The following PIEZO2 variants were observed in gnomAD, a reference collection of about 807,000 sequenced individuals.
The protein encoded by PIEZO2 is piezo type mechanosensitive ion channel component 2.
Under a neutral mutation model 337.3 loss-of-function variants are expected in PIEZO2, and 172 were observed. The observed-to-expected ratio is 0.51, with a 90% confidence interval of 0.45 to 0.58. The LOEUF (loss-of-function observed/expected upper bound fraction) is 0.58, where lower values mean the gene tolerates loss of function less well. Among genes scored for constraint, PIEZO2 ranks in the 20% least tolerant of loss-of-function variants. The pLI, the probability that PIEZO2 is intolerant of heterozygous loss-of-function variation, is 0.00. For synonymous variants in PIEZO2, 1,251 were observed against 1,228.5 expected (o/e 1.02, Z -0.38); for missense variants, 3,028 against 3,391.3 (o/e 0.89, Z 2.66).
At chr18:11,086,514 G>A (rs1239150448) in intron 1 of PIEZO2, among the ~76,000 whole-genome samples, 1 of 143,302 alleles carries the variant, frequency 7.0e-6, no homozygotes, top group African/African-American at 2.7e-5. Context: ...GCGAGACTCC[G>A]TCTCAAAAAA....
rs1197610856 is a variant in PIEZO2, at chr18:11,148,852, G to C, written c.-264C>G. On this transcript the variant is annotated 5_prime_UTR_variant, in exon 1 of 56. Coordinates refer to ENST00000674853, the MANE Select transcript of PIEZO2 (RefSeq NM_001378183.1). The surrounding 1 kb of genome is among the most constrained non-coding windows in gnomAD (Gnocchi z 5.2). Reference sequence around the variant, plus strand: ...GCCCGGCGCCCGGCCCCCTGCGGCCGGCCCATTTAGTGTGAATCCTGGATC... The same window carrying C: ...GCCCGGCGCCCGGCCCCCTGCGGCCCGCCCATTTAGTGTGAATCCTGGATC... The C allele has an allele frequency of 2.8e-5, 12 of 423,380 alleles. No individual in the cohort carries two copies. The highest frequency in any genetic ancestry group is 6.2e-4 in the Middle Eastern group (1 of 1,624). The allele number at this position is 423,380 out of a possible 1,614,324, so 26.2% of individuals were successfully genotyped here. A position where few individuals can be genotyped will look rare whatever the true frequency, so the allele number is the denominator to read the frequency against.
At chr18:11,135,779 C>T (rs951755289) in intron 1 of PIEZO2, among the ~76,000 whole-genome samples, 2 of 152,106 alleles carry the variant, frequency 1.3e-5, no homozygotes, top group African/African-American at 4.8e-5. Flanking sequence ...ATCTCCTGAC[C>T]TCGTGATCCG....
intron 49 of PIEZO2, among the ~76,000 whole-genome samples, chr18:10,686,156 C>T (rs1217527236): frequency 6.6e-6 from 1 of 152,226 alleles, no homozygotes; most frequent in Non-Finnish European, 1.5e-5. Flanking sequence ...CTCCAAGACG[C>T]TGCCTCCAGT....
At chr18:10,791,419 A>G in intron 13 of PIEZO2, 95 bp from the exon 14 acceptor site, 1 of 1,312,406 alleles carries the variant, frequency 7.6e-7, no homozygotes, top group Non-Finnish European at 1.0e-6. Context: ...TTCCAGTGGG[A>G]GCACAATAAA....
At chr18:10,799,890 G>A (rs994725786) in intron 11 of PIEZO2, among the ~76,000 whole-genome samples, 3 of 151,406 alleles carry the variant, frequency 2.0e-5, no homozygotes, top group Admixed American at 6.6e-5. Context: ...GGAGAATGGC[G>A]TGAACCCGGG....
In PIEZO2 at chr18:10,714,850, G is replaced by T. The variant is rs1339480078; in HGVS notation, c.5337C>A (p.Asp1779Glu). The change falls in exon 39 of 56, where the codon GAC becomes GAA. Residue 1779 changes from aspartate to glutamate, a missense_variant. Physicochemically the swap from Asp to Glu is conservative, Grantham distance 45. Around this residue, in one of 5 missense-constraint regions of PIEZO2, gnomAD observed 1,925 missense variants for 2,051.9 expected, o/e 0.94. Coordinates refer to ENST00000674853, the MANE Select transcript of PIEZO2 (RefSeq NM_001378183.1). ...IMNLSRESGL[D>E]TIDEHPGAAS... ...CAGCTCCGGGATGCTCGTCAATGGT[G>T]TCCAGTCCCGACTCTCTGGAAAGGT... The T allele has an allele frequency of 6.5e-7, 1 of 1,537,144 alleles. No homozygotes were observed. Among genetic ancestry groups the T allele is most frequent in the African/African-American group, 1.4e-5 (1 of 73,032 alleles).
intron 4 of PIEZO2, among the ~76,000 whole-genome samples, chr18:10,902,315 C>A (rs1005866884): frequency 3.3e-5 from 5 of 152,126 alleles, no homozygotes; most frequent in Non-Finnish European, 7.3e-5. Flanking sequence ...ATGCTATGAC[C>A]GAAGTTTAAC....
At chr18:10,989,261 A>T (rs1177067638) in intron 2 of PIEZO2, among the ~76,000 whole-genome samples, 3 of 152,122 alleles carry the variant, frequency 2.0e-5, no homozygotes, top group Non-Finnish European at 4.4e-5. Context: ...ATACCTCAAT[A>T]AATCAGTTTT....
chr18:10,761,807 C>T (rs1393152726), intron 23 of PIEZO2, among the ~76,000 whole-genome samples: 1 of 151,998 alleles, frequency 6.6e-6, no homozygotes, highest in Non-Finnish European at 1.5e-5. Context: ...TTTAAAAATC[C>T]CAGGTGCTGA....
intron 2 of PIEZO2, among the ~76,000 whole-genome samples, chr18:11,058,540 G>A (rs756240194): frequency 5.3e-5 from 8 of 152,112 alleles, no homozygotes; most frequent in Non-Finnish European, 1.0e-4. Context: ...AAAATTAGAC[G>A]AAAGGCTAAC....
chr18:11,105,243 C>T lies in PIEZO2; in HGVS notation c.65-39021G>A, dbSNP rs114434039. ...AAACTTGCAACCAAAAAGAGTTACACGCCCAAAGACTGCAAACCAATATGG... is the reference window on the plus strand; with the variant it reads ...AAACTTGCAACCAAAAAGAGTTACATGCCCAAAGACTGCAAACCAATATGG... On this transcript the variant is annotated intron_variant, in intron 1 of 55. Coordinates refer to ENST00000674853, the MANE Select transcript of PIEZO2 (RefSeq NM_001378183.1). This position sits in a 1 kb window ranked among gnomAD's most constrained non-coding sequence, Gnocchi z 4.3. 1.3e-5 allele frequency among the ~76,000 whole-genome samples: 2 copies of T among 152,160 alleles called. No individual in the cohort carries two copies. The highest frequency in any genetic ancestry group is 2.9e-5 in the Non-Finnish European group (2 of 68,032).
intron 39 of PIEZO2, chr18:10,709,477 A>G (rs1474238106): frequency 6.6e-6 from 1 of 152,272 alleles, no homozygotes. Flanking sequence ...AGGGAACAGA[A>G]ACAGATCTTT....
intron 2 of PIEZO2, among the ~76,000 whole-genome samples, chr18:11,018,215 G>A (rs1346839697): frequency 7.4e-6 from 1 of 134,850 alleles, no homozygotes; most frequent in Admixed American, 7.4e-5. Context: ...GGTGGTGGTG[G>A]TGGTGGTGTG....
intron 2 of PIEZO2, among the ~76,000 whole-genome samples, chr18:11,054,710 T>C (rs926119578): frequency 1.7e-4 from 26 of 152,346 alleles, no homozygotes; most frequent in Admixed American, 1.6e-3. Context: ...AAAAAGAATA[T>C]TTATTTTCAA....
chr18:10,981,377 T>C (rs2034661573), intron 2 of PIEZO2, among the ~76,000 whole-genome samples: 1 of 152,204 alleles, frequency 6.6e-6, no homozygotes, highest in South Asian at 2.1e-4. Context: ...TAATATATTG[T>C]ATCTAAGTTG....
At chr18:10,840,652 C>A (rs889615900) in intron 7 of PIEZO2, among the ~76,000 whole-genome samples, 1 of 151,972 alleles carries the variant, frequency 6.6e-6, no homozygotes, top group African/African-American at 2.4e-5. Flanking sequence ...GATTTCAGTC[C>A]ACCTCTCAGA....
chr18:10,871,339 T>C lies in PIEZO2; in HGVS notation c.406A>G (p.Ile136Val), dbSNP rs1237702556. 1 of 1,537,326 alleles carries C rather than the reference T, an allele frequency of 6.5e-7. No homozygotes were observed. The highest frequency in any genetic ancestry group is 8.7e-7 in the Non-Finnish European group (1 of 1,146,868). The stretch of plus-strand genomic sequence containing the variant: ...ACAATGTTTCTACAGAGGAGCCAGA[T>C]GGTCAGACTAGCAATGAACATCCCG... ...DIGMFIASLT[I>V]WLLCRNIVQK... Residue 136 changes from isoleucine (I) to valine (V), a missense_variant, in exon 5 of 56, where the codon ATC (isoleucine) becomes GTC (valine). Ile to Val is a conservative substitution (Grantham distance 29). Coordinates refer to ENST00000674853, the MANE Select transcript of PIEZO2 (RefSeq NM_001378183.1).
intron 16 of PIEZO2, 62 bp downstream of exon 16, chr18:10,786,974 C>G (rs958562610): frequency 2.8e-6 from 4 of 1,418,812 alleles, no homozygotes; most frequent in Non-Finnish European, 3.8e-6. Flanking sequence ...CTTAAAGATG[C>G]TTTGAACAAT....
intron 36 of PIEZO2, chr18:10,728,249 T>C (rs1447901666): frequency 6.6e-6 from 1 of 152,646 alleles, no homozygotes; most frequent in Admixed American, 6.5e-5. Context: ...AATTGGACAC[T>C]CTTGTCCCTC....
Sources: allele counts gnomAD v4.1 joint callset (sites outside exome capture counted in the v4.1 genomes callset), GRCh38; gene constraint gnomAD v4.1.1; regional missense constraint gnomAD v4.1.1; non-coding constraint Gnocchi (gnomAD v3.1); transcripts MANE v1.5; gene names NCBI Gene and HGNC (gene_info 2026-07-23, HGNC 2026-07-21).